The following MAT2B variants were observed in gnomAD, a reference collection of about 807,000 sequenced individuals.
MAT2B encodes methionine adenosyltransferase 2 subunit beta.
MAT2B carries 16 observed loss-of-function variants against 36.1 expected under a neutral mutation model. The ratio of observed to expected loss-of-function variants is 0.44; its 90% CI spans 0.30 to 0.67. The LOEUF (loss-of-function observed/expected upper bound fraction) is 0.67. MAT2B is among the 30% of genes least tolerant of loss of function. The pLI, the probability that MAT2B is intolerant of heterozygous loss-of-function variation, is 0.09. For missense variants in MAT2B, 332 were observed against 398.2 expected, an observed-to-expected ratio of 0.83 and a Z score of 1.42; for synonymous variants, 148 against 136.9, an observed-to-expected ratio of 1.08 and a Z score of -0.57.
Position 163,516,639 on chromosome 5 carries a change from G to T in MAT2B, c.648G>T (p.Trp216Cys). The T allele has an allele frequency of 6.2e-7, 1 of 1,614,212 alleles. No individual in the cohort carries two copies. Among genetic ancestry groups the T allele is most frequent in the South Asian group, 1.1e-5 (1 of 91,090 alleles). ...FSNKSANMDHWQQRFPTHVKD... is the reference protein window; with the variant it reads ...FSNKSANMDHCQQRFPTHVKD... ...ACAAGTCAGCAAACATGGATCACTGGCAGCAGAGGTTCCCCACACATGTCA... is the reference window on the plus strand; with the variant it reads ...ACAAGTCAGCAAACATGGATCACTGTCAGCAGAGGTTCCCCACACATGTCA... Residue 216 changes from tryptophan to cysteine, a missense_variant, in exon 5 of 7, where the codon TGG becomes TGT. Transcript: ENST00000321757.
chr5:163,503,366 A>G (rs753545324), upstream of MAT2B: 23 of 1,612,276 alleles, frequency 1.4e-5, no homozygotes, highest in Non-Finnish European at 1.9e-5. Context: ...CCCATCCCGT[A>G]TCTGCTCTCC....
intron 4 of MAT2B, among the ~76,000 whole-genome samples, chr5:163,514,732 C>T (rs534345364): frequency 3.3e-5 from 5 of 152,166 alleles, no homozygotes; most frequent in African/African-American, 1.2e-4. Context: ...AAACTACTGC[C>T]TTAGACTGTA....
chr5:163,504,967 C>A (rs1232004987), upstream of MAT2B, among the ~76,000 whole-genome samples: 4 of 152,052 alleles, frequency 2.6e-5, no homozygotes, highest in Non-Finnish European at 4.4e-5. Context: ...TGGGTAAAGT[C>A]CAAGGATCTG....
chr5:163,517,958 A>G (rs1386304608), intron 6 of MAT2B: 1 of 508,784 alleles, frequency 2.0e-6, no homozygotes, highest in African/African-American at 1.9e-5. Flanking sequence ...TAGCAAATAT[A>G]AAACCTCAAA....
rs541292251 is a variant in MAT2B, at chr5:163,514,690, C to T, written c.526+696C>T. On this transcript the variant is annotated intron_variant, in intron 4 of 6. Transcript: ENST00000321757. ...GATATCTTACTCCTATCAGTGGCTGCGTAGTACTTAATTTAATGGTCCCCT... is the reference window on the plus strand; with the variant it reads ...GATATCTTACTCCTATCAGTGGCTGTGTAGTACTTAATTTAATGGTCCCCT... 7.9e-5 allele frequency among the ~76,000 whole-genome samples: 12 copies of T among 152,230 alleles called. 1 individual carries two copies. The highest frequency in any genetic ancestry group is 7.7e-4 in the East Asian group (4 of 5,186).
chr5:163,503,262 G>C, upstream of MAT2B: 1 of 729,860 alleles, frequency 1.4e-6, no homozygotes, highest in Non-Finnish European at 2.4e-6. Flanking sequence ...TAATTTAAAA[G>C]GTCAAGTGAA....
At chr5:163,507,851 A>C (rs562629621) in intron 1 of MAT2B, among the ~76,000 whole-genome samples, 62 of 152,382 alleles carry the variant, frequency 4.1e-4, no homozygotes, top group Non-Finnish European at 8.2e-4. Flanking sequence ...ATTCAGAGGA[A>C]AAGTTACCTT....
chr5:163,515,923 C>T (rs185022838), intron 4 of MAT2B, among the ~76,000 whole-genome samples: 3 of 151,840 alleles, frequency 2.0e-5, no homozygotes, highest in East Asian at 3.9e-4. Flanking sequence ...TTTGTAGAGA[C>T]GAGGTCTCAC....
intron 4 of MAT2B, among the ~76,000 whole-genome samples, chr5:163,515,238 G>T (rs796314157): frequency 5.9e-5 from 9 of 152,246 alleles, no homozygotes; most frequent in African/African-American, 2.2e-4. Context: ...TAATTTAAAA[G>T]AAAATGTTTG....
intron 4 of MAT2B, among the ~76,000 whole-genome samples, chr5:163,514,605 A>G (rs1354028655): frequency 2.5e-5 from 3 of 121,048 alleles, no homozygotes; most frequent in Non-Finnish European, 5.1e-5. Context: ...ATGTTGTTTC[A>G]CAACCTGTTT....
Position 163,517,616 on chromosome 5 carries a change from A to G in MAT2B, c.776A>G (p.Tyr259Cys). 1 of 1,613,984 alleles carries G rather than the reference A, an allele frequency of 6.2e-7. No individual in the cohort carries two copies. Among genetic ancestry groups the G allele is most frequent in the Non-Finnish European group, 8.5e-7 (1 of 1,179,874 alleles). ...TCTGGCAATGAACAGATGACTAAGT[A>G]TGAAATGGCATGTGCAATTGCAGAT... ...HWSGNEQMTKYEMACAIADAF... is the reference protein window; with the variant it reads ...HWSGNEQMTKCEMACAIADAF... The change falls in exon 6 of 7, where the codon TAT becomes TGT. Residue 259 changes from tyrosine (Y) to cysteine (C), a missense_variant. By Grantham distance (194) the Tyr-to-Cys change is radical. Transcript: ENST00000321757.
Position 163,518,537 on chromosome 5 carries a change from ATGCCCTGTT to A in MAT2B, c.*178_*186del. 1 of 484,042 alleles carries A rather than the reference ATGCCCTGTT, an allele frequency of 2.1e-6. No homozygotes were observed. The highest frequency in any genetic ancestry group is 3.5e-6 in the Non-Finnish European group (1 of 285,940). 30.0% of individuals were successfully genotyped at this position (484,042 alleles called of 1,614,324 possible). ...TGTCTAAAGAAACTAAAGGGCAGTC[ATGCCCTGTT>A]TGCAGTAATTTTTCTTTTTATCATT... On this transcript the variant is annotated 3_prime_UTR_variant, in exon 7 of 7. Coordinates refer to ENST00000321757, the MANE Select transcript of MAT2B (RefSeq NM_013283.5).
chr5:163,517,766 G>C, intron 6 of MAT2B, 92 bp downstream of exon 6: 1 of 747,250 alleles, frequency 1.3e-6, no homozygotes, highest in Non-Finnish European at 2.3e-6. Flanking sequence ...ACTAATCAAA[G>C]TGAACTTTGC....
intron 4 of MAT2B, among the ~76,000 whole-genome samples, chr5:163,514,385 G>T (rs1055654750): frequency 6.6e-6 from 1 of 152,110 alleles, no homozygotes; most frequent in African/African-American, 2.4e-5. Flanking sequence ...TATGTATGTT[G>T]TATGTATTAA....
rs766686479 is a variant in MAT2B, at chr5:163,517,576, G to T, written c.736G>T (p.Gly246Ter). The T allele has an allele frequency of 1.1e-5, 17 of 1,609,594 alleles. No homozygotes were observed. Among genetic ancestry groups the T allele is most frequent in the Non-Finnish European group, 1.4e-5 (17 of 1,176,014 alleles). Residue 246 changes from glycine (G) to a stop codon, truncating the protein, a stop_gained, in exon 6 of 7, where the codon GGA becomes TGA. Transcript: ENST00000321757. LOFTEE classifies it high-confidence loss of function. ...TCGTTCTTAGGATCCATCAATTAAG[G>T]GAACCTTTCACTGGTCTGGCAATGA... ...EKRMLDPSIK[G>*]TFHWSGNEQM...
In MAT2B at chr5:163,505,638, G is replaced by C; in HGVS notation, c.-49G>C. On this transcript the variant is annotated 5_prime_UTR_variant, in exon 1 of 7. Transcript: ENST00000321757. Reference sequence around the variant, plus strand: ...TGAGCTGAGGCCCGCGTCGATCCTGGGTTGGAGGAGGTGGCGGCCGCTGAG... The same window carrying C: ...TGAGCTGAGGCCCGCGTCGATCCTGCGTTGGAGGAGGTGGCGGCCGCTGAG... 1 of 1,256,572 alleles carries C rather than the reference G, an allele frequency of 8.0e-7. No homozygotes were observed. The highest frequency in any genetic ancestry group is 1.0e-6 in the Non-Finnish European group (1 of 992,596). 77.8% of individuals were successfully genotyped at this position (1,256,572 alleles called of 1,614,324 possible).
Position 163,513,589 on chromosome 5 carries a change from G to C in MAT2B, c.293G>C (p.Arg98Thr). The change falls in exon 3 of 7, where the codon AGA becomes ACA. Residue 98 changes from arginine to threonine, a missense_variant. Arg to Thr is a moderately conservative substitution (Grantham distance 71, BLOSUM62 -1). Coordinates refer to ENST00000321757, the MANE Select transcript of MAT2B (RefSeq NM_013283.5). Reference sequence around the variant, plus strand: ...ATAGTACATTGTGCAGCAGAGAGAAGACCAGATGTTGTAGAAAATCAGCCA... The same window carrying C: ...ATAGTACATTGTGCAGCAGAGAGAACACCAGATGTTGTAGAAAATCAGCCA... The part of the protein sequence containing the change: ...HVIVHCAAER[R>T]PDVVENQPDA... 1 of 1,613,332 alleles carries C rather than the reference G, an allele frequency of 6.2e-7. No homozygotes were observed. Among genetic ancestry groups the C allele is most frequent in the Non-Finnish European group, 8.5e-7 (1 of 1,179,350 alleles).
chr5:163,513,862 A>G lies in MAT2B; in HGVS notation c.394A>G (p.Ile132Val), dbSNP rs759112974. 6.2e-7 allele frequency: 1 copy of G among 1,610,962 alleles called. No homozygotes were observed. Among genetic ancestry groups the G allele is most frequent in the Non-Finnish European group, 8.5e-7 (1 of 1,179,000 alleles). The change falls in exon 4 of 7, where the codon ATC (isoleucine) becomes GTC (valine). Residue 132 changes from isoleucine (I) to valine (V), a missense_variant. Coordinates refer to ENST00000321757, the MANE Select transcript of MAT2B (RefSeq NM_013283.5). Reference sequence around the variant, plus strand: ...TGTAGCTGCTGTTGGAGCATTTCTCATCTACATTAGCTCAGATTATGTATT... The same window carrying G: ...TGTAGCTGCTGTTGGAGCATTTCTCGTCTACATTAGCTCAGATTATGTATT... The part of the protein sequence containing the change: ...KEAAAVGAFL[I>V]YISSDYVFDG...
chr5:163,519,334 G>C lies in MAT2B; in HGVS notation c.*971G>C, dbSNP rs192468905. ...CACAATAAAATTAACACTTGATCCAGAATGTTAACTTACCACCCCATCCTA... is the reference window on the plus strand; with the variant it reads ...CACAATAAAATTAACACTTGATCCACAATGTTAACTTACCACCCCATCCTA... On this transcript the variant is annotated 3_prime_UTR_variant, in exon 7 of 7. Coordinates refer to ENST00000321757, the MANE Select transcript of MAT2B (RefSeq NM_013283.5). The C allele has an allele frequency of 1.2e-4, 18 of 152,272 alleles. No homozygotes were observed. The highest frequency in any genetic ancestry group is 4.3e-4 in the African/African-American group (18 of 41,566). The allele number at this position is 152,272 out of a possible 1,614,324, so 9.4% of individuals were successfully genotyped here. A position where few individuals can be genotyped will look rare whatever the true frequency, so the allele number is the denominator to read the frequency against.
Sources: gnomAD v4.1 joint callset for allele counts (sites outside exome capture counted in the v4.1 genomes callset) on GRCh38, gnomAD v4.1.1 for gene constraint, MANE v1.5 for transcripts, NCBI Gene and HGNC (gene_info 2026-07-23, HGNC 2026-07-21) for gene names.